Variants in CRACD observed in about 807,000 individuals in gnomAD.
CRACD encodes the protein capping protein-inhibiting regulator of actin dynamics.
CRACD carries 56 observed loss-of-function variants against 106.8 expected under a neutral mutation model. That is an observed-to-expected ratio of 0.52 (90% confidence interval 0.42 to 0.66). The LOEUF (loss-of-function observed/expected upper bound fraction) is 0.66, where lower values mean the gene tolerates loss of function less well. Among genes scored for constraint, CRACD ranks in the 30% least tolerant of loss-of-function variants. The pLI, the probability that CRACD is intolerant of heterozygous loss-of-function variation, is 0.00. For synonymous variants in CRACD, 754 were observed against 670.8 expected (o/e 1.12, Z -1.92); for missense variants, 1,730 against 1,623.2 (o/e 1.07, Z -1.13).
At chr4:56,303,348 GA>G (rs767375663) in intron 4 of CRACD, among the ~76,000 whole-genome samples, 5,869 of 134,024 alleles carry the variant, frequency 0.044, 362 homozygotes, top group African/African-American at 0.14. Flanking sequence ...TCCTTTGTAG[GA>G]AAAAAAAAAA....
intron 1 of CRACD, among the ~76,000 whole-genome samples, chr4:56,066,857 G>A (rs1309669731): frequency 6.6e-6 from 1 of 152,138 alleles, no homozygotes; most frequent in Non-Finnish European, 1.5e-5. Context: ...GCGTGTTCAT[G>A]GGGTAGGTGG....
chr4:56,082,604 G>A (rs542987715), intron 1 of CRACD, among the ~76,000 whole-genome samples: 9 of 152,092 alleles, frequency 5.9e-5, no homozygotes, highest in Admixed American at 1.3e-4. Context: ...TGAAATGGAC[G>A]TAAGGAAACA....
intron 2 of CRACD, among the ~76,000 whole-genome samples, chr4:56,261,213 C>T (rs530023299): frequency 2.0e-5 from 3 of 152,258 alleles, no homozygotes; most frequent in African/African-American, 7.2e-5. Context: ...CATTGATTCA[C>T]GGCACCCTCT....
chr4:56,286,751 G>GC (rs1258333889), intron 3 of CRACD, among the ~76,000 whole-genome samples: 7 of 152,140 alleles, frequency 4.6e-5, no homozygotes, highest in Admixed American at 1.3e-4. Flanking sequence ...GTGTTCAAGA[G>GC]CAAGTCCTCT....
At chr4:56,064,742 G>A (rs1221068512) in intron 1 of CRACD, among the ~76,000 whole-genome samples, 1 of 151,988 alleles carries the variant, frequency 6.6e-6, no homozygotes, top group African/African-American at 2.4e-5. Context: ...GTTCACATGT[G>A]TAGCTTCGAG....
chr4:56,328,445 T>C lies in CRACD; in HGVS notation c.*641T>C. 1.9e-6 allele frequency: 1 copy of C among 516,010 alleles called. No homozygotes were observed. 32.0% of individuals were successfully genotyped at this position (516,010 alleles called of 1,614,324 possible). On this transcript the variant is annotated 3_prime_UTR_variant, in exon 11 of 11. Transcript: ENST00000682029. ...TTTTTACCGCACTGTGGATTCATAG[T>C]GTGGGGCCCTGTTATTCCAATACCC...
intron 1 of CRACD, among the ~76,000 whole-genome samples, chr4:56,050,321 G>A (rs1373462389): frequency 6.8e-6 from 1 of 147,744 alleles, no homozygotes. Flanking sequence ...TGTGTATTGG[G>A]GGTGGTAAGT....
intron 2 of CRACD, among the ~76,000 whole-genome samples, chr4:56,268,466 TAAA>T (rs1041846397): frequency 6.6e-6 from 1 of 151,896 alleles, no homozygotes; most frequent in Non-Finnish European, 1.5e-5. Flanking sequence ...AAAGCAACTG[TAAA>T]AAAAATTATT....
chr4:56,136,976 T>C (rs905095013), intron 1 of CRACD, among the ~76,000 whole-genome samples: 1 of 152,252 alleles, frequency 6.6e-6, no homozygotes, highest in African/African-American at 2.4e-5. Context: ...TATTTTCTTA[T>C]ACATATCTTC....
At chr4:56,212,609 T>C (rs981566050) in intron 2 of CRACD, among the ~76,000 whole-genome samples, 6 of 152,194 alleles carry the variant, frequency 3.9e-5, no homozygotes, top group African/African-American at 1.4e-4. Flanking sequence ...GTTAATTCTT[T>C]TGAAATTATG....
At chr4:56,087,692 A>G (rs755715753) in intron 1 of CRACD, among the ~76,000 whole-genome samples, 2 of 152,176 alleles carry the variant, frequency 1.3e-5, no homozygotes, top group Non-Finnish European at 2.9e-5. Flanking sequence ...TGCCTACTGG[A>G]CATAACTGGT....
intron 2 of CRACD, among the ~76,000 whole-genome samples, chr4:56,189,722 A>T (rs1297687610): frequency 6.6e-6 from 1 of 151,654 alleles, no homozygotes; most frequent in African/African-American, 2.4e-5. Flanking sequence ...TACAAAGGAC[A>T]TGAACTCATC....
chr4:56,206,928 G>C (rs1738149096), intron 2 of CRACD, among the ~76,000 whole-genome samples: 1 of 152,092 alleles, frequency 6.6e-6, no homozygotes, highest in Non-Finnish European at 1.5e-5. Flanking sequence ...TAACATTCTG[G>C]AGATGGCTAC....
At chr4:56,084,244 G>A (rs1372159686) in intron 1 of CRACD, among the ~76,000 whole-genome samples, 3 of 152,042 alleles carry the variant, frequency 2.0e-5, no homozygotes, top group East Asian at 1.9e-4. Context: ...CACGAACTAC[G>A]TTTGGCTGAG....
At chr4:56,133,597 A>G (rs1259155383) in intron 1 of CRACD, among the ~76,000 whole-genome samples, 3 of 152,216 alleles carry the variant, frequency 2.0e-5, no homozygotes, top group African/African-American at 7.2e-5. Flanking sequence ...TACACTAGTT[A>G]ACAAGAAGTG....
Position 56,107,068 on chromosome 4 carries a change from C to T in CRACD, c.-336+57769C>T, listed in dbSNP as rs566468653. ...TCACTGCAGCCTCAAACTCCTTGAC[C>T]CAAGCGATCCTCCCCCCTTTTAGCC... On this transcript the variant is annotated intron_variant, in intron 1 of 10. Transcript: ENST00000682029. Among the ~76,000 whole-genome samples the T allele has an allele frequency of 2.0e-5, 3 of 152,222 alleles. No individual in the cohort carries two copies. The South Asian group carries it at 6.2e-4, about 32-fold the overall frequency.
intron 2 of CRACD, among the ~76,000 whole-genome samples, chr4:56,195,643 T>A (rs1737571614): frequency 6.6e-6 from 1 of 152,210 alleles, no homozygotes; most frequent in South Asian, 2.1e-4. Flanking sequence ...TAAATGTAAA[T>A]GTTTCAGAAA....
At chr4:56,197,037 C>T (rs1047666302) in intron 2 of CRACD, among the ~76,000 whole-genome samples, 1 of 151,994 alleles carries the variant, frequency 6.6e-6, no homozygotes, top group Non-Finnish European at 1.5e-5. Flanking sequence ...AATGTTGATA[C>T]TGATAGGGAT....
chr4:56,298,065 C>T (rs944357570), intron 3 of CRACD, 149 bp from the exon 4 acceptor site: 39 of 796,180 alleles, frequency 4.9e-5, no homozygotes, highest in African/African-American at 7.0e-5. Flanking sequence ...CCTTGGCTGA[C>T]CCCCAGCAGA....
Sources: gnomAD v4.1 joint callset for allele counts (sites outside exome capture counted in the v4.1 genomes callset) on GRCh38, gnomAD v4.1.1 for gene constraint, MANE v1.5 for transcripts, NCBI Gene and HGNC (gene_info 2026-07-23, HGNC 2026-07-21) for gene names.